Variants in TBC1D8 observed in about 807,000 individuals in gnomAD.
TBC1D8 encodes the protein BUB2-like protein 1.
Under a neutral mutation model 118.8 loss-of-function variants are expected in TBC1D8, and 65 were observed. The observed-to-expected ratio is 0.55, with a 90% CI of 0.45 to 0.67. The LOEUF (loss-of-function observed/expected upper bound fraction) is 0.67, where lower values mean the gene tolerates loss of function less well. Ranked by LOEUF, TBC1D8 falls within the 30% of genes least tolerant of loss-of-function variation. The probability of loss-of-function intolerance (pLI) is 0.00; values close to 1 mark genes in which losing one functional copy is unlikely to be tolerated. For synonymous variants in TBC1D8, 566 were observed against 595.8 expected (o/e 0.95, Z 0.73); for missense variants, 1,376 against 1,471.2 (o/e 0.94, Z 1.06).
chr2:101,020,441 A>T (rs532997586), intron 17 of TBC1D8, among the ~76,000 whole-genome samples: 50 of 152,358 alleles, frequency 3.3e-4, no homozygotes, highest in African/African-American at 1.2e-3. Context: ...TATTGGCATA[A>T]AGGGCAGAAA....
intron 11 of TBC1D8, among the ~76,000 whole-genome samples, chr2:101,031,031 T>TC (rs111274604): frequency 0.11 from 16,052 of 152,170 alleles, 974 homozygotes; most frequent in Non-Finnish European, 0.14. Context: ...GTTCCAATGG[T>TC]CCCCTCCTGT....
intron 4 of TBC1D8, among the ~76,000 whole-genome samples, chr2:101,053,827 A>G (rs1439923362): frequency 2.6e-5 from 4 of 152,244 alleles, no homozygotes; most frequent in Admixed American, 2.6e-4. Flanking sequence ...GCCATCAGTG[A>G]TAACACTATG....
At chr2:101,119,018 C>G (rs1179257705) in intron 1 of TBC1D8, among the ~76,000 whole-genome samples, 1 of 151,014 alleles carries the variant, frequency 6.6e-6, no homozygotes, top group Non-Finnish European at 1.5e-5. Context: ...TCTGCCCCCC[C>G]AAAAAAAAGA....
At chr2:101,056,213 T>A (rs28744376) in intron 3 of TBC1D8, among the ~76,000 whole-genome samples, 24,595 of 91,416 alleles carry the variant, frequency 0.27, 2,180 homozygotes, top group Admixed American at 0.31. Flanking sequence ...TATTATTTTT[T>A]TTTTTTTTTT....
intron 1 of TBC1D8, among the ~76,000 whole-genome samples, chr2:101,121,627 A>G (rs1225410077): frequency 6.6e-6 from 1 of 152,248 alleles, no homozygotes; most frequent in African/African-American, 2.4e-5. Context: ...CCTTCAAGAA[A>G]AGGCCCCAGC....
chr2:101,013,319 T>G (rs1384087631), intron 17 of TBC1D8, among the ~76,000 whole-genome samples: 6 of 152,244 alleles, frequency 3.9e-5, no homozygotes, highest in African/African-American at 1.4e-4. Context: ...TGGGAAATAG[T>G]AACTACTAAG....
chr2:101,098,321 G>A (rs1406537337), intron 1 of TBC1D8, among the ~76,000 whole-genome samples: 1 of 151,986 alleles, frequency 6.6e-6, no homozygotes, highest in African/African-American at 2.4e-5. Flanking sequence ...AGATGTTGCA[G>A]TGAGCTGAGA....
chr2:101,020,560 T>C (rs1440161077), intron 17 of TBC1D8, among the ~76,000 whole-genome samples: 1 of 152,194 alleles, frequency 6.6e-6, no homozygotes, highest in Non-Finnish European at 1.5e-5. Flanking sequence ...TAGTGCATAT[T>C]GTCAATGAGA....
intron 1 of TBC1D8, among the ~76,000 whole-genome samples, chr2:101,101,896 G>C (rs573986520): frequency 3.3e-5 from 5 of 152,068 alleles, no homozygotes; most frequent in Admixed American, 6.6e-5. Flanking sequence ...AGCCTGTTGG[G>C]GGGTAGGGGG....
chr2:101,114,966 C>T (rs1412090116), intron 1 of TBC1D8, among the ~76,000 whole-genome samples: 1 of 152,188 alleles, frequency 6.6e-6, no homozygotes, highest in Non-Finnish European at 1.5e-5. Context: ...AGTGACAATA[C>T]ATAGAGCTAG....
intron 2 of TBC1D8, among the ~76,000 whole-genome samples, chr2:101,067,547 T>C (rs183418034): frequency 6.6e-6 from 1 of 152,360 alleles, no homozygotes; most frequent in East Asian, 1.9e-4. Flanking sequence ...GTTAGTCTAT[T>C]AAGTGTGCGA....
In TBC1D8 at chr2:101,008,163, G is replaced by T; in HGVS notation, c.3126C>A (p.Ile1042=). The change falls in exon 20 of 20, where the codon ATC becomes ATA. Residue 1042 remains isoleucine, a synonymous_variant. Coordinates refer to ENST00000409318, the MANE Select transcript of TBC1D8 (RefSeq NM_001330348.2). The part of the protein sequence containing the change: ...IATVTTLLLQ[I]GEVGQRGSSS... ...TGCTGCCTCGCTGCCCCACCTCCCC[G>T]ATCTGCAGCAGCAGTGTGGTGACTG... 4 of 1,613,732 alleles carry T rather than the reference G, an allele frequency of 2.5e-6. No homozygotes were observed. Among genetic ancestry groups the T allele is most frequent in the Non-Finnish European group, 3.4e-6 (4 of 1,179,794 alleles).
chr2:101,073,347 T>C (rs1230966400), intron 2 of TBC1D8, among the ~76,000 whole-genome samples: 1 of 150,826 alleles, frequency 6.6e-6, no homozygotes, highest in Non-Finnish European at 1.5e-5. Context: ...CAGGCTGGAG[T>C]GCAGTGCCAC....
At chr2:101,044,158 G>A (rs576079745) in intron 5 of TBC1D8, among the ~76,000 whole-genome samples, 1 of 152,304 alleles carries the variant, frequency 6.6e-6, no homozygotes, top group African/African-American at 2.4e-5. Context: ...GGTAGCCAGA[G>A]ACCAGAAACC....
rs549961683 is a variant in TBC1D8, at chr2:101,033,202, C to T, written c.1818+342G>A. Reference sequence around the variant, plus strand: ...CATGATCTCGGCTCACCGCAACCTGCGACTCCCTGGTTCAAGTGATTCTCC... The same window carrying T: ...CATGATCTCGGCTCACCGCAACCTGTGACTCCCTGGTTCAAGTGATTCTCC... On this transcript the variant is annotated intron_variant, in intron 10 of 19. Coordinates refer to ENST00000409318, the MANE Select transcript of TBC1D8 (RefSeq NM_001330348.2). Among the ~76,000 whole-genome samples the T allele has an allele frequency of 2.5e-3, 377 of 151,960 alleles. 1 individual carries two copies. The highest frequency in any genetic ancestry group is 4.3e-3 in the Admixed American group (66 of 15,244).
chr2:101,043,487 C>T (rs1681512636), intron 5 of TBC1D8, among the ~76,000 whole-genome samples: 1 of 152,194 alleles, frequency 6.6e-6, no homozygotes. Flanking sequence ...GTCATGTCAG[C>T]CTTCCTTCCT....
chr2:101,069,726 A>ATT (rs923204301), intron 2 of TBC1D8, among the ~76,000 whole-genome samples: 2 of 152,182 alleles, frequency 1.3e-5, no homozygotes, highest in Non-Finnish European at 2.9e-5. Flanking sequence ...TGTATTGTGA[A>ATT]TTTAAACACT....
chr2:101,096,792 A>AGT (rs1553418116), intron 1 of TBC1D8, among the ~76,000 whole-genome samples: 1 of 126,856 alleles, frequency 7.9e-6, no homozygotes, highest in African/African-American at 2.9e-5. Context: ...AGTGAGAGAG[A>AGT]GGGGGAGAGA....
intron 1 of TBC1D8, among the ~76,000 whole-genome samples, chr2:101,100,768 G>A (rs536899306): frequency 1.3e-5 from 2 of 152,012 alleles, no homozygotes; most frequent in East Asian, 1.9e-4. Context: ...CAACAAACCT[G>A]ACAAAAATAA....
Sources: allele counts gnomAD v4.1 joint callset (sites outside exome capture counted in the v4.1 genomes callset), GRCh38; gene constraint gnomAD v4.1.1; transcripts MANE v1.5; gene names NCBI Gene and HGNC (gene_info 2026-07-23, HGNC 2026-07-21).